RBFOX3: variants seen among roughly 807,000 people sequenced by gnomAD.
The protein encoded by RBFOX3 is RNA binding protein fox-1 homolog 3.
A neutral mutation model predicts 48.7 loss-of-function variants in RBFOX3; 17 were observed. The ratio of observed to expected loss-of-function variants is 0.35; its 90% CI spans 0.24 to 0.52. The LOEUF is 0.52. Ranked by LOEUF, RBFOX3 falls within the 20% of genes least tolerant of loss-of-function variation. The pLI is 0.94. For synonymous variants in RBFOX3, 212 were observed against 209.5 expected, an observed-to-expected ratio of 1.01 and a Z score of -0.10; for missense variants, 382 against 497.5, an observed-to-expected ratio of 0.77 and a Z score of 2.21.
intron 2 of RBFOX3, among the ~76,000 whole-genome samples, chr17:79,380,695 G>T (rs1295150018): frequency 6.6e-6 from 1 of 152,206 alleles, no homozygotes; most frequent in Non-Finnish European, 1.5e-5. Flanking sequence ...GAGCATTTTG[G>T]ATGCATTTGG....
intron 2 of RBFOX3, among the ~76,000 whole-genome samples, chr17:79,375,358 GAC>G (rs534923135): frequency 0.078 from 10,604 of 136,158 alleles, 477 homozygotes; most frequent in African/African-American, 0.14. Context: ...GAAGACAGAA[GAC>G]ACACACACAC....
chr17:79,660,084 G>A, the RBFOX3 span, among the ~76,000 whole-genome samples: 3 of 152,154 alleles, frequency 2.0e-5, no homozygotes, highest in Admixed American at 6.5e-5. Flanking sequence ...CTACTCAGGA[G>A]GCTGAGGCTG....
chr17:79,302,308 CGATCCAG>C (rs2075437314), intron 3 of RBFOX3, among the ~76,000 whole-genome samples: 1 of 152,186 alleles, frequency 6.6e-6, no homozygotes, highest in Admixed American at 6.5e-5. Flanking sequence ...GTTAAGTACA[CGATCCAG>C]GATCACTCAC....
intron 1 of RBFOX3, among the ~76,000 whole-genome samples, chr17:79,510,592 C>T (rs1256942478): frequency 6.6e-6 from 1 of 152,200 alleles, no homozygotes; most frequent in African/African-American, 2.4e-5. Context: ...AAGTGATTAA[C>T]AGGCCTGAGG....
chr17:79,264,535 G>T (rs1019353680), intron 3 of RBFOX3, among the ~76,000 whole-genome samples: 11 of 152,092 alleles, frequency 7.2e-5, no homozygotes, highest in Admixed American at 5.2e-4. Context: ...AGACTTCTGG[G>T]CTCCAGAACA....
At chr17:79,259,531 G>T (rs538405882) in intron 3 of RBFOX3, among the ~76,000 whole-genome samples, 77 of 152,304 alleles carry the variant, frequency 5.1e-4, no homozygotes, top group Non-Finnish European at 7.2e-4. Flanking sequence ...GGGAGGCAAG[G>T]CCTGAGGAGG....
intron 2 of RBFOX3, among the ~76,000 whole-genome samples, chr17:79,357,621 A>G (rs1337008886): frequency 6.6e-6 from 1 of 151,182 alleles, no homozygotes. Flanking sequence ...ACAGAGCAAA[A>G]CTCTGTCTCA....
chr17:79,273,122 C>A (rs537436576), intron 3 of RBFOX3, among the ~76,000 whole-genome samples: 2 of 152,102 alleles, frequency 1.3e-5, no homozygotes, highest in African/African-American at 4.8e-5. Context: ...GAGTCCCTGG[C>A]GGAATCTAGC....
chr17:79,484,030 C>T (rs1006894124), intron 1 of RBFOX3, among the ~76,000 whole-genome samples: 1 of 152,144 alleles, frequency 6.6e-6, no homozygotes, highest in Non-Finnish European at 1.5e-5. Context: ...GACACAAAAA[C>T]GGTTTAGGAG....
chr17:79,237,382 C>CTTCT (rs1387978121), intron 3 of RBFOX3, among the ~76,000 whole-genome samples: 1 of 152,308 alleles, frequency 6.6e-6, no homozygotes, highest in East Asian at 1.9e-4. Context: ...CTCTAGCAGG[C>CTTCT]AGGTACACTT....
At position 79,511,259 on chromosome 17, in the gene RBFOX3, T is replaced by C. The variant is rs1332213139; in HGVS notation, c.-319-28661A>G. On this transcript the variant is annotated intron_variant, in intron 1 of 14. Coordinates refer to ENST00000693108, the MANE Select transcript of RBFOX3 (RefSeq NM_001350451.2). ...GGGTTGTGATGTCCAGATATCCGCTTAGACGAAACTCTGTGTGTGTGCAGT... is the reference window on the plus strand; with the variant it reads ...GGGTTGTGATGTCCAGATATCCGCTCAGACGAAACTCTGTGTGTGTGCAGT... 3.5e-4 allele frequency among the ~76,000 whole-genome samples: 54 copies of C among 152,278 alleles called. 1 individual carries two copies. Among genetic ancestry groups the C allele is most frequent in the Non-Finnish European group, 4.4e-5 (3 of 68,006 alleles).
At chr17:79,316,984 G>A (rs1211875286) in intron 2 of RBFOX3, among the ~76,000 whole-genome samples, 1 of 152,166 alleles carries the variant, frequency 6.6e-6, no homozygotes, top group Non-Finnish European at 1.5e-5. Context: ...CCGCAAATGT[G>A]CATGTGCACG....
chr17:79,504,048 T>C (rs2082741044), intron 1 of RBFOX3, among the ~76,000 whole-genome samples: 1 of 122,410 alleles, frequency 8.2e-6, no homozygotes, highest in East Asian at 2.1e-4. Context: ...GTGCTCCAGG[T>C]GGCAGGGTGC....
chr17:79,613,997 A>G, upstream of RBFOX3, among the ~76,000 whole-genome samples: 1 of 152,378 alleles, frequency 6.6e-6, no homozygotes, highest in East Asian at 1.9e-4. Context: ...ATAACTTTAA[A>G]AAGGCATAAA....
rs2078680127 is a variant in RBFOX3 at position 79,480,868 on chromosome 17, T to G, written c.-175+1586A>C. Among the ~76,000 whole-genome samples the G allele has an allele frequency of 2.0e-5, 3 of 152,206 alleles. No homozygotes were observed. On this transcript the variant is annotated intron_variant, in intron 2 of 14. Transcript: ENST00000693108. This position sits in a 1 kb window ranked among gnomAD's most constrained non-coding sequence, Gnocchi z 4.8. Reference sequence around the variant, plus strand: ...GCGCCTGACATACATTTATTCGCCATGTCCCTGCTAAAATATAAACACCAT... The same window carrying G: ...GCGCCTGACATACATTTATTCGCCAGGTCCCTGCTAAAATATAAACACCAT...
chr17:79,632,446 A>T, the RBFOX3 span, among the ~76,000 whole-genome samples: 1 of 152,050 alleles, frequency 6.6e-6, no homozygotes, highest in South Asian at 2.1e-4. Flanking sequence ...AAAGTGATGG[A>T]AAATCACAGT....
At chr17:79,244,717 T>C (rs754479473) in intron 3 of RBFOX3, among the ~76,000 whole-genome samples, 1 of 104,186 alleles carries the variant, frequency 9.6e-6, no homozygotes, top group African/African-American at 3.1e-5. Context: ...CCTTCCCTTT[T>C]CTTTCCTCTT....
intron 1 of RBFOX3, among the ~76,000 whole-genome samples, chr17:79,548,250 C>T (rs1218089366): frequency 3.3e-5 from 5 of 152,182 alleles, no homozygotes; most frequent in African/African-American, 1.2e-4. Flanking sequence ...CAGCCTGGCT[C>T]ACAGCAGAGT....
chr17:79,478,891 C>T (rs897293872), intron 2 of RBFOX3, among the ~76,000 whole-genome samples: 15 of 152,322 alleles, frequency 9.8e-5, no homozygotes, highest in Admixed American at 2.6e-4. Flanking sequence ...AGCTTTAAAA[C>T]GGGATCTAAT....
Sources: allele counts gnomAD v4.1 joint callset (sites outside exome capture counted in the v4.1 genomes callset), GRCh38; gene constraint gnomAD v4.1.1; non-coding constraint Gnocchi (gnomAD v3.1); transcripts MANE v1.5; gene names NCBI Gene and HGNC (gene_info 2026-07-23, HGNC 2026-07-21).